FAM178B: variants seen among roughly 807,000 people sequenced by gnomAD.
FAM178B encodes protein FAM178B.
FAM178B carries 82 observed loss-of-function variants against 91.7 expected under a neutral mutation model. The observed-to-expected ratio is 0.89, with a 90% CI of 0.75 to 1.07. The LOEUF (loss-of-function observed/expected upper bound fraction) is 1.07. Among genes scored for constraint, FAM178B ranks in the 50% least tolerant of loss-of-function variants. The pLI is 0.00. For synonymous variants in FAM178B, 368 were observed against 359.4 expected (o/e 1.02, Z -0.27); for missense variants, 769 against 846.7 (o/e 0.91, Z 1.14).
chr2:96,932,827 C>T (rs1036541566), intron 8 of FAM178B, among the ~76,000 whole-genome samples: 28 of 150,836 alleles, frequency 1.9e-4, no homozygotes, highest in African/African-American at 6.4e-4. Flanking sequence ...GTAATCCCAG[C>T]TACTTAGGAG....
chr2:96,981,418 G>T (rs151134925), intron 1 of FAM178B, among the ~76,000 whole-genome samples: 2 of 152,174 alleles, frequency 1.3e-5, no homozygotes, highest in Non-Finnish European at 2.9e-5. Flanking sequence ...TTTCGATAAA[G>T]AAAAGTCCTT....
Position 96,898,642 on chromosome 2 carries a change from C to G in FAM178B, c.1650+3978G>C, listed in dbSNP as rs535931862. ...GCACTCCAGCCTGGGAAAGTGAGAC[C>G]CTGCCTCAAAAATAAAATAATCCCG... is the stretch of plus-strand genomic sequence containing the variant. On this transcript the variant is annotated intron_variant, in intron 13 of 16. Coordinates refer to ENST00000490605, the MANE Select transcript of FAM178B (RefSeq NM_001122646.3). Among the ~76,000 whole-genome samples the G allele has an allele frequency of 7.5e-4, 114 of 152,126 alleles. 1 individual carries two copies. The highest frequency in any genetic ancestry group is 2.7e-3 in the African/African-American group (111 of 41,514).
At chr2:96,920,809 C>T (rs763884058) in intron 12 of FAM178B, among the ~76,000 whole-genome samples, 3 of 150,764 alleles carry the variant, frequency 2.0e-5, no homozygotes, top group African/African-American at 7.5e-5. Flanking sequence ...AAGGATGAAT[C>T]GAGAGTGTGC....
chr2:96,881,076 A>C (rs918111245), intron 14 of FAM178B, among the ~76,000 whole-genome samples: 2 of 151,970 alleles, frequency 1.3e-5, no homozygotes, highest in Non-Finnish European at 2.9e-5. Flanking sequence ...GTTTGAGACC[A>C]GCCTGGGCAA....
chr2:96,914,135 G>C (rs975341191), intron 12 of FAM178B, among the ~76,000 whole-genome samples: 10 of 152,242 alleles, frequency 6.6e-5, no homozygotes, highest in African/African-American at 2.4e-4. Context: ...GGGCCCTCCC[G>C]CCCAGGGAGC....
intron 8 of FAM178B, 33 bp downstream of exon 8, chr2:96,947,785 G>A: frequency 7.7e-7 from 1 of 1,296,998 alleles, no homozygotes; most frequent in Non-Finnish European, 1.1e-6. Flanking sequence ...GGAGCTCAGT[G>A]CGCCAATCTC....
At chr2:96,890,217 G>A (rs1336281735) in intron 14 of FAM178B, among the ~76,000 whole-genome samples, 1 of 152,148 alleles carries the variant, frequency 6.6e-6, no homozygotes, top group African/African-American at 2.4e-5. Context: ...GGAGGTTGCA[G>A]TGAGCCGAGA....
At chr2:96,953,895 G>A (rs149459255) in intron 6 of FAM178B, among the ~76,000 whole-genome samples, 6 of 152,336 alleles carry the variant, frequency 3.9e-5, no homozygotes, top group Non-Finnish European at 5.9e-5. Flanking sequence ...CTGGGGAAAG[G>A]AGGAGGATCC....
At chr2:96,899,955 G>C (rs572210841) in intron 13 of FAM178B, among the ~76,000 whole-genome samples, 20 of 149,560 alleles carry the variant, frequency 1.3e-4, no homozygotes, top group African/African-American at 4.7e-4. Context: ...CAACTCCTGG[G>C]CCCAACGACC....
intron 8 of FAM178B, among the ~76,000 whole-genome samples, chr2:96,930,416 T>C (rs73959410): frequency 0.073 from 11,113 of 152,092 alleles, 1,329 homozygotes; most frequent in African/African-American, 0.25. Context: ...GCCCCATGTG[T>C]TCTCTGCACC....
intron 8 of FAM178B, among the ~76,000 whole-genome samples, chr2:96,936,264 T>G (rs758669296): frequency 2.6e-5 from 4 of 152,148 alleles, no homozygotes; most frequent in Non-Finnish European, 4.4e-5. Flanking sequence ...TGCAGTGGCA[T>G]GATCTCTGCT....
At chr2:96,934,769 C>T (rs1332209965) in intron 8 of FAM178B, among the ~76,000 whole-genome samples, 2 of 152,138 alleles carry the variant, frequency 1.3e-5, no homozygotes, top group African/African-American at 4.8e-5. Flanking sequence ...CTTTTGGAAC[C>T]TTCTTTTTGT....
Position 96,921,533 on chromosome 2 carries a change from T to C in FAM178B, c.1409A>G (p.Asp470Gly). The C allele has an allele frequency of 6.4e-7, 1 of 1,551,456 alleles. No individual in the cohort carries two copies. The highest frequency in any genetic ancestry group is 8.7e-7 in the Non-Finnish European group (1 of 1,146,952). The part of the protein sequence containing the change: ...DVGLRLLPKV[D>G]LQQLLLLLLE... ...GAGCAAGAGGAGAAGCTGCTGGAGG[T>C]CAACTTTGGGCAGCAGGCGGAGCCC... Residue 470 changes from aspartate to glycine, a missense_variant, in exon 11 of 17, where the codon GAC (aspartate) becomes GGC (glycine). Physicochemically the swap from Asp to Gly is moderately conservative, Grantham distance 94. Coordinates refer to ENST00000490605, the MANE Select transcript of FAM178B (RefSeq NM_001122646.3).
chr2:96,928,001 A>G (rs1172596388), intron 9 of FAM178B, among the ~76,000 whole-genome samples: 1 of 152,168 alleles, frequency 6.6e-6, no homozygotes, highest in Non-Finnish European at 1.5e-5. Flanking sequence ...GAGCTCCGGG[A>G]GGGAAAGGGG....
At position 96,909,443 on chromosome 2, in the gene FAM178B, G is replaced by C. The variant is rs2081114527; in HGVS notation, c.1563-6736C>G. 3.3e-5 allele frequency among the ~76,000 whole-genome samples: 5 copies of C among 152,170 alleles called. No homozygotes were observed. The South Asian group carries it at 1.0e-3, about 32-fold the overall frequency. On this transcript the variant is annotated intron_variant, in intron 12 of 16. Transcript: ENST00000490605. The stretch of plus-strand genomic sequence containing the variant: ...CGCCAACCTAGGTCCTCTACGCTTG[G>C]AAGAAGTTGCCACATTCCCGTGGCT...
intron 1 of FAM178B, among the ~76,000 whole-genome samples, chr2:96,974,226 C>CA (rs2082259986): frequency 6.7e-6 from 1 of 148,544 alleles, no homozygotes; most frequent in African/African-American, 2.5e-5. Context: ...ACTAAAAATA[C>CA]AAAAAATTAG....
chr2:96,976,736 T>A (rs2082293650), intron 1 of FAM178B, among the ~76,000 whole-genome samples: 1 of 151,886 alleles, frequency 6.6e-6, no homozygotes, highest in Non-Finnish European at 1.5e-5. Context: ...TAGTCCCAGC[T>A]ACTCAGGAGG....
At chr2:96,911,219 T>G (rs2153370055) in intron 12 of FAM178B, among the ~76,000 whole-genome samples, 1 of 152,282 alleles carries the variant, frequency 6.6e-6, no homozygotes, top group East Asian at 1.9e-4. Context: ...GTCCCTCTGA[T>G]GCTCACGGCC....
Position 96,929,273 on chromosome 2 carries a change from C to T in FAM178B, c.1126G>A (p.Ala376Thr). Reference protein sequence around the residue: ...WCPSLQEVREAFHSLGAHSPA... With the variant: ...WCPSLQEVRETFHSLGAHSPA... ...CTGTGGGCACCCAGGCTGTGGAATG[C>T]CTCCCTGACTTCTTGCAGTGAGGGG... Residue 376 changes from alanine (A) to threonine (T), a missense_variant, in exon 9 of 17, where the codon GCA becomes ACA. By Grantham distance (58) the Ala-to-Thr change is moderately conservative (BLOSUM62 0). Transcript: ENST00000490605. 2 of 1,551,636 alleles carry T rather than the reference C, an allele frequency of 1.3e-6. No homozygotes were observed. Among genetic ancestry groups the T allele is most frequent in the Non-Finnish European group, 1.7e-6 (2 of 1,146,950 alleles).
Sources: allele counts gnomAD v4.1 joint callset (sites outside exome capture counted in the v4.1 genomes callset), GRCh38; gene constraint gnomAD v4.1.1; transcripts MANE v1.5; gene names NCBI Gene and HGNC (gene_info 2026-07-23, HGNC 2026-07-21).